TRIO: variants seen among roughly 807,000 people sequenced by gnomAD.
TRIO encodes the protein trio Rho guanine nucleotide exchange factor.
TRIO carries 58 observed loss-of-function variants against 351.9 expected under a neutral mutation model. The ratio of observed to expected loss-of-function variants is 0.16; its 90% CI spans 0.13 to 0.21. The LOEUF is 0.21. Ranked by LOEUF, TRIO falls within the 10% of genes least tolerant of loss-of-function variation. The pLI is 1.00. For missense variants in TRIO, 3,201 were observed against 4,027.8 expected (o/e 0.79, Z 5.56); for synonymous variants, 1,758 against 1,595.7 (o/e 1.10, Z -2.42).
intron 9 of TRIO, among the ~76,000 whole-genome samples, chr5:14,320,520 G>C (rs1451516439): frequency 1.3e-5 from 2 of 152,142 alleles, no homozygotes; most frequent in Non-Finnish European, 2.9e-5. Flanking sequence ...AGCCCTTCAT[G>C]TGTGAGCGCC....
intron 34 of TRIO, among the ~76,000 whole-genome samples, chr5:14,460,168 G>A (rs143871070): frequency 5.3e-4 from 81 of 152,226 alleles, no homozygotes; most frequent in East Asian, 3.7e-3. Context: ...CACCTGCCTC[G>A]GCCTCCCAAA....
rs969618625 is a variant in TRIO, at chr5:14,143,471, C to T, written c.-255C>T. Among the ~76,000 whole-genome samples the T allele has an allele frequency of 3.4e-5, 5 of 148,538 alleles. No homozygotes were observed. The highest frequency in any genetic ancestry group is 1.2e-4 in the African/African-American group (5 of 40,946). ...GTGCTGCTGCCCGCGCTCCGGCCGG[C>T]GCCCGGGAGGCCGTGGCTCCGCGCC... is the stretch of plus-strand genomic sequence containing the variant. On this transcript the variant is annotated 5_prime_UTR_variant, in exon 1 of 57. Coordinates refer to ENST00000344204, the MANE Select transcript of TRIO (RefSeq NM_007118.4).
intron 34 of TRIO, among the ~76,000 whole-genome samples, chr5:14,430,551 A>G (rs367910730): frequency 1.3e-5 from 2 of 152,146 alleles, no homozygotes; most frequent in Non-Finnish European, 1.5e-5. Context: ...AATCCAAGCT[A>G]TGCAGTTGCA....
intron 18 of TRIO, among the ~76,000 whole-genome samples, chr5:14,369,737 C>T (rs956195020): frequency 5.3e-5 from 8 of 152,168 alleles, no homozygotes; most frequent in African/African-American, 1.9e-4. Context: ...CTAGTTTTCA[C>T]AGGGAAATAG....
chr5:14,210,597 G>GTTT (rs34510714), intron 1 of TRIO, among the ~76,000 whole-genome samples: 1 of 151,546 alleles, frequency 6.6e-6, no homozygotes, highest in Non-Finnish European at 1.5e-5. Context: ...TTTTGAAAGT[G>GTTT]TTTTTTTGTT....
At chr5:14,415,719 C>G (rs1749587712) in intron 33 of TRIO, among the ~76,000 whole-genome samples, 2 of 152,112 alleles carry the variant, frequency 1.3e-5, no homozygotes, top group Admixed American at 1.3e-4. Context: ...GGAAAGAATT[C>G]AGGAAAGGAA....
chr5:14,368,294 A>G (rs552006763), intron 16 of TRIO, among the ~76,000 whole-genome samples: 6 of 152,350 alleles, frequency 3.9e-5, no homozygotes, highest in Non-Finnish European at 7.3e-5. Context: ...GCAAGTGAAA[A>G]TAAAAAGCAT....
At chr5:14,190,255 G>T (rs1790377157) in intron 1 of TRIO, among the ~76,000 whole-genome samples, 1 of 152,084 alleles carries the variant, frequency 6.6e-6, no homozygotes, top group African/African-American at 2.4e-5. Context: ...GACTACAGGG[G>T]CAGGCAGTCC....
chr5:14,427,455 C>T (rs1561479049), intron 34 of TRIO, among the ~76,000 whole-genome samples: 1 of 152,208 alleles, frequency 6.6e-6, no homozygotes. Flanking sequence ...GCTCGTGTTC[C>T]CAGCCAACCC....
intron 1 of TRIO, among the ~76,000 whole-genome samples, chr5:14,173,190 CTTTT>C (rs758636385): frequency 2.7e-4 from 18 of 66,496 alleles, no homozygotes; most frequent in Non-Finnish European, 1.4e-4. Flanking sequence ...TTGTATGTTC[CTTTT>C]TTTTTTTTTT....
At chr5:14,323,757 G>T (rs138139016) in intron 9 of TRIO, among the ~76,000 whole-genome samples, 97 of 152,348 alleles carry the variant, frequency 6.4e-4, no homozygotes, top group Non-Finnish European at 1.1e-3. Flanking sequence ...CACTAGGAAA[G>T]AAAGTGTGAG....
rs534049834 is a variant in TRIO at position 14,266,142 on chromosome 5, T to G, written c.158-4683T>G. ...GGCATGATCTCGGCTCACTGCACCC[T>G]TCGCCTCCTGGGTCCAAGTGATTCT... On this transcript the variant is annotated intron_variant, in intron 1 of 56. Transcript: ENST00000344204. 3.8e-4 allele frequency among the ~76,000 whole-genome samples: 58 copies of G among 152,270 alleles called. 1 individual carries two copies. The highest frequency in any genetic ancestry group is 1.6e-3 in the Admixed American group (24 of 15,298).
chr5:14,154,226 C>G (rs1204698739), intron 1 of TRIO, among the ~76,000 whole-genome samples: 1 of 151,754 alleles, frequency 6.6e-6, no homozygotes, highest in Admixed American at 6.6e-5. Flanking sequence ...GTTGGGAGTA[C>G]GGGAAGGGCG....
At chr5:14,469,844 C>G (rs905087318) in intron 37 of TRIO, among the ~76,000 whole-genome samples, 1 of 152,238 alleles carries the variant, frequency 6.6e-6, no homozygotes, top group African/African-American at 2.4e-5. Context: ...GTGACTTTAC[C>G]TCCCTGCCGT....
At chr5:14,480,163 C>T (rs1755407277) in intron 43 of TRIO, 152 bp downstream of exon 43, 8 of 632,116 alleles carry the variant, frequency 1.3e-5, no homozygotes, top group Non-Finnish European at 2.1e-5. Flanking sequence ...AAATTTAAAT[C>T]AGCTGTTAAC....
At chr5:14,401,908 T>C (rs1374650303) in intron 31 of TRIO, among the ~76,000 whole-genome samples, 1 of 152,206 alleles carries the variant, frequency 6.6e-6, no homozygotes, top group Non-Finnish European at 1.5e-5. Context: ...TCACCCCTTG[T>C]GTCTCTTGCA....
chr5:14,465,967 G>A (rs1400551051), intron 37 of TRIO: 3 of 320,154 alleles, frequency 9.4e-6, no homozygotes, highest in Admixed American at 3.9e-5. Flanking sequence ...CAGGCAGACA[G>A]AGGATTGCCA....
intron 1 of TRIO, among the ~76,000 whole-genome samples, chr5:14,152,035 T>C (rs1374460382): frequency 6.6e-6 from 1 of 152,180 alleles, no homozygotes; most frequent in Non-Finnish European, 1.5e-5. Context: ...TGAAAAACAA[T>C]GCTTTGACTG....
intron 8 of TRIO, 67 bp downstream of exon 8, chr5:14,304,659 A>G: frequency 6.5e-7 from 1 of 1,532,164 alleles, no homozygotes; most frequent in South Asian, 1.3e-5. Context: ...ACCGGAAGCT[A>G]GAAAAAAAAA....
Sources: gnomAD v4.1 joint callset for allele counts (sites outside exome capture counted in the v4.1 genomes callset) on GRCh38, gnomAD v4.1.1 for gene constraint, MANE v1.5 for transcripts, NCBI Gene and HGNC (gene_info 2026-07-23, HGNC 2026-07-21) for gene names.